Variants in MYOM1 observed in about 807,000 individuals in gnomAD.
The protein encoded by MYOM1 is myomesin 1.
MYOM1 carries 164 observed loss-of-function variants against 205.3 expected under a neutral mutation model. The ratio of observed to expected loss-of-function variants is 0.80; its 90% CI spans 0.70 to 0.91. The LOEUF is 0.91. MYOM1 is among the 40% of genes least tolerant of loss of function. The pLI, the probability that MYOM1 is intolerant of heterozygous loss-of-function variation, is 0.00. For synonymous variants in MYOM1, 772 were observed against 789.4 expected (o/e 0.98, Z 0.37); for missense variants, 2,011 against 2,127.3 (o/e 0.95, Z 1.08).
In MYOM1 at chr18:3,168,899, TC is replaced by T. The variant is rs754861267; in HGVS notation, c.1256del (p.Gly419GlufsTer4). 7 of 1,613,836 alleles carry T rather than the reference TC, an allele frequency of 4.3e-6. No individual in the cohort carries two copies. The South Asian group carries it at 7.7e-5, about 18-fold the overall frequency. On this transcript the variant is annotated frameshift_variant, in exon 9 of 38. Coordinates refer to ENST00000356443, the MANE Select transcript of MYOM1 (RefSeq NM_003803.4). LOFTEE classifies it high-confidence loss of function. Reference sequence around the variant, plus strand: ...CACGACAGCCTAGACTCATTGTCTCTCCCTCTCTCCCAAAAGACACATCAAA... The same window carrying T: ...CACGACAGCCTAGACTCATTGTCTCTCCTCTCTCCCAAAAGACACATCAAA... The part of the protein sequence containing the change: ...DKFDVSFGRE[G>X]ETMSLGCRVV...
chr18:3,237,284 G>A, the MYOM1 span, among the ~76,000 whole-genome samples: 1 of 152,212 alleles, frequency 6.6e-6, no homozygotes, highest in East Asian at 1.9e-4. Flanking sequence ...TATACATATC[G>A]TGGAATATCA....
chr18:3,110,368 C>T (rs1446977887), intron 22 of MYOM1, among the ~76,000 whole-genome samples: 3 of 152,144 alleles, frequency 2.0e-5, no homozygotes, highest in Non-Finnish European at 2.9e-5. Context: ...GCTGACCATT[C>T]AGCCTCATGC....
intron 34 of MYOM1, 90 bp from the exon 35 acceptor site, chr18:3,075,851 G>T: frequency 8.5e-7 from 1 of 1,182,344 alleles, no homozygotes; most frequent in Non-Finnish European, 1.2e-6. Flanking sequence ...AGATTGCTGT[G>T]ATCGGTCCAG....
chr18:3,113,913 T>C (rs918702053), intron 21 of MYOM1, among the ~76,000 whole-genome samples: 6 of 152,220 alleles, frequency 3.9e-5, no homozygotes, highest in African/African-American at 1.4e-4. Context: ...TATTAAATTG[T>C]TAGGTTTTTA....
intron 2 of MYOM1, among the ~76,000 whole-genome samples, chr18:3,206,085 C>T (rs564247452): frequency 1.3e-5 from 2 of 152,088 alleles, no homozygotes; most frequent in African/African-American, 2.4e-5. Context: ...TTCACACACT[C>T]GAGAGTGAGC....
chr18:3,133,488 AG>A (rs1405300812), intron 16 of MYOM1, among the ~76,000 whole-genome samples: 1 of 152,184 alleles, frequency 6.6e-6, no homozygotes, highest in East Asian at 1.9e-4. Context: ...AAATACAAAG[AG>A]GCAGCAAATT....
At chr18:3,227,139 G>A in the MYOM1 span, among the ~76,000 whole-genome samples, 1 of 152,012 alleles carries the variant, frequency 6.6e-6, no homozygotes, top group Non-Finnish European at 1.5e-5. Flanking sequence ...TATCTGGTAT[G>A]ATAATGACTT....
At chr18:3,108,869 C>T (rs2079486662) in intron 22 of MYOM1, among the ~76,000 whole-genome samples, 1 of 151,896 alleles carries the variant, frequency 6.6e-6, no homozygotes, top group Non-Finnish European at 1.5e-5. Flanking sequence ...TCTAACATGC[C>T]CCAGGCTAAC....
At chr18:3,246,247 C>A in the MYOM1 span, 1 of 152,242 alleles carries the variant, frequency 6.6e-6, no homozygotes, top group Non-Finnish European at 1.5e-5. Context: ...TGCTCGCAAG[C>A]TCCAGGAACA....
intron 14 of MYOM1, among the ~76,000 whole-genome samples, chr18:3,141,702 A>T (rs949833082): frequency 6.6e-6 from 1 of 152,090 alleles, no homozygotes; most frequent in Non-Finnish European, 1.5e-5. Context: ...TTGGGTCTGG[A>T]TCTCTTAGGA....
At chr18:3,083,116 C>T (rs2079103996) in intron 33 of MYOM1, among the ~76,000 whole-genome samples, 1 of 152,086 alleles carries the variant, frequency 6.6e-6, no homozygotes. Flanking sequence ...CAGAGAGAGC[C>T]CAAGCATGAC....
At chr18:3,214,880 A>C in intron 2 of MYOM1, 54 bp downstream of exon 2, 1 of 1,510,828 alleles carries the variant, frequency 6.6e-7, no homozygotes, top group African/African-American at 1.4e-5. Flanking sequence ...AGGGTTACTC[A>C]GAGCACACGC....
At position 3,134,825 on chromosome 18, in the gene MYOM1, C is replaced by G. The variant is rs751133841; in HGVS notation, c.2210-1G>C. The stretch of plus-strand genomic sequence containing the variant: ...ATTTTGCCAGGAGCCTTGGGGATAT[C>G]TGAGAAAGAGGAAAATGGTGATCAA... On this transcript the variant is annotated splice_acceptor_variant, in intron 15 of 37. Transcript: ENST00000356443. LOFTEE classifies it high-confidence loss of function. 1 of 1,613,808 alleles carries G rather than the reference C, an allele frequency of 6.2e-7. No individual in the cohort carries two copies. The highest frequency in any genetic ancestry group is 1.7e-5 in the Admixed American group (1 of 59,980).
rs1366451451 is a variant in MYOM1 at position 3,186,798 on chromosome 18, GAAAGAGAAAGAA to G, written c.929+670_929+681del. Among the ~76,000 whole-genome samples the G allele has an allele frequency of 9.3e-4, 90 of 97,294 alleles. 1 individual carries two copies. The highest frequency in any genetic ancestry group is 3.7e-3 in the African/African-American group (90 of 24,330). The allele number at this position is 97,294 out of a possible 152,430, so 63.8% of individuals were successfully genotyped here. A position where few individuals can be genotyped will look rare whatever the true frequency, so the allele number is the denominator to read the frequency against. Reference sequence around the variant, plus strand: ...GGAAGGAAGGAGAGAGAGAAAGAAAGAAAGAGAAAGAAAGAAAGAAAGAAAGAGAAAGAAAGA... The same window carrying G: ...GGAAGGAAGGAGAGAGAGAAAGAAAGAGAAAGAAAGAAAGAGAAAGAAAGA... On this transcript the variant is annotated intron_variant, in intron 5 of 37. Coordinates refer to ENST00000356443, the MANE Select transcript of MYOM1 (RefSeq NM_003803.4).
At chr18:3,198,419 A>C (rs949500744) in intron 2 of MYOM1, among the ~76,000 whole-genome samples, 11 of 152,182 alleles carry the variant, frequency 7.2e-5, no homozygotes, top group African/African-American at 2.4e-4. Context: ...GGATGGTCTC[A>C]GTGATTTTTA....
At chr18:3,071,801 G>A (rs762373774) in intron 37 of MYOM1, 33 bp downstream of exon 37, 2 of 1,578,226 alleles carry the variant, frequency 1.3e-6, no homozygotes, top group Non-Finnish European at 1.7e-6. Context: ...TCATAGTGCA[G>A]AAGGAGCAGG....
At chr18:3,136,666 C>T (rs895167847) in intron 14 of MYOM1, among the ~76,000 whole-genome samples, 1 of 152,022 alleles carries the variant, frequency 6.6e-6, no homozygotes, top group African/African-American at 2.4e-5. Flanking sequence ...TGGGCTCAAG[C>T]GATTCACCCA....
chr18:3,071,833 C>A lies in MYOM1; in HGVS notation c.4764+1G>T, dbSNP rs1244695956. On this transcript the variant is annotated splice_donor_variant, in intron 37 of 37. Transcript: ENST00000356443. LOFTEE classifies it high-confidence loss of function. ...CAGGCACAGGCAGGCTTCATGCTTA[C>A]CTTCCCCTCCTGGATGGTGACCACG... is the stretch of plus-strand genomic sequence containing the variant. The A allele has an allele frequency of 6.3e-7, 1 of 1,599,664 alleles. No homozygotes were observed. Among genetic ancestry groups the A allele is most frequent in the South Asian group, 1.1e-5 (1 of 88,110 alleles).
Position 3,067,446 on chromosome 18 carries a change from G to T in MYOM1, c.4874C>A (p.Ala1625Asp), listed in dbSNP as rs200040275. The T allele has an allele frequency of 1.2e-6, 2 of 1,613,802 alleles. No individual in the cohort carries two copies. Among genetic ancestry groups the T allele is most frequent in the Admixed American group, 3.3e-5 (2 of 60,032 alleles). ...SDDHCNLKFE[A>D]GRTAYFTING... ...GATGGTGAAGTACGCGGTCCTCCCA[G>T]CCTCGAACTTGAGGTTGCAGTGGTC... is the stretch of plus-strand genomic sequence containing the variant. The change falls in exon 38 of 38, where the codon GCT becomes GAT. Residue 1625 changes from alanine (A) to aspartate (D), a missense_variant. Physicochemically the swap from Ala to Asp is moderately radical, Grantham distance 126. Coordinates refer to ENST00000356443, the MANE Select transcript of MYOM1 (RefSeq NM_003803.4).
Sources: allele counts gnomAD v4.1 joint callset (sites outside exome capture counted in the v4.1 genomes callset), GRCh38; gene constraint gnomAD v4.1.1; transcripts MANE v1.5; gene names NCBI Gene and HGNC (gene_info 2026-07-23, HGNC 2026-07-21).